CSMD1: variants seen among roughly 807,000 people sequenced by gnomAD.
CSMD1 encodes the protein CUB and sushi domain-containing protein 1.
A neutral mutation model predicts 417.5 loss-of-function variants in CSMD1; 213 were observed. The observed-to-expected ratio is 0.51, with a 90% CI of 0.46 to 0.57. The LOEUF is 0.57. CSMD1 is among the 20% of genes least tolerant of loss of function. CSMD1 has a pLI of 0.00. For synonymous variants in CSMD1, 2,862 were observed against 1,736.8 expected (o/e 1.65, Z -16.11); for missense variants, 6,923 against 4,529.7 (o/e 1.53, Z -15.17).
chr8:3,365,100 A>G (rs1809466684), intron 20 of CSMD1, among the ~76,000 whole-genome samples: 1 of 152,186 alleles, frequency 6.6e-6, no homozygotes, highest in Non-Finnish European at 1.5e-5. Context: ...TCTCATAGCA[A>G]TACTAATTGA....
intron 49 of CSMD1, among the ~76,000 whole-genome samples, chr8:3,083,658 T>A (rs1164454944): frequency 2.8e-3 from 179 of 63,592 alleles, no homozygotes; most frequent in South Asian, 5.4e-3. Flanking sequence ...ATTTTTTTTT[T>A]TTTTTTTTTT....
chr8:4,253,185 C>A (rs570783078), intron 3 of CSMD1, among the ~76,000 whole-genome samples: 1 of 152,150 alleles, frequency 6.6e-6, no homozygotes, highest in Non-Finnish European at 1.5e-5. Context: ...CTGGTCTATT[C>A]TCCTCTTCTA....
At chr8:4,290,472 G>T (rs73660733) in intron 3 of CSMD1, among the ~76,000 whole-genome samples, 1 of 151,932 alleles carries the variant, frequency 6.6e-6, no homozygotes, top group Non-Finnish European at 1.5e-5. Context: ...ACAAGGGTCA[G>T]GGACACTGCA....
chr8:4,778,996 A>G (rs1797014358), intron 1 of CSMD1, among the ~76,000 whole-genome samples: 1 of 152,222 alleles, frequency 6.6e-6, no homozygotes, highest in African/African-American at 2.4e-5. Flanking sequence ...GTGGGTGTTT[A>G]ACAGTATAGG....
At chr8:4,517,705 T>C (rs996315799) in intron 2 of CSMD1, among the ~76,000 whole-genome samples, 2 of 152,242 alleles carry the variant, frequency 1.3e-5, no homozygotes, top group African/African-American at 2.4e-5. Flanking sequence ...AAAATACTAA[T>C]ACTTAGTTTT....
At chr8:4,932,422 G>A (rs563814905) in intron 1 of CSMD1, among the ~76,000 whole-genome samples, 6 of 151,888 alleles carry the variant, frequency 4.0e-5, no homozygotes, top group South Asian at 2.1e-4. Context: ...GTGAAGACAC[G>A]AAGACTTCCA....
At chr8:3,824,941 G>C (rs1365363954) in intron 5 of CSMD1, among the ~76,000 whole-genome samples, 1 of 151,378 alleles carries the variant, frequency 6.6e-6, no homozygotes. Flanking sequence ...CCGCAACAAT[G>C]ATTAATCTGA....
intron 1 of CSMD1, among the ~76,000 whole-genome samples, chr8:4,671,751 G>C (rs545935085): frequency 6.6e-6 from 1 of 152,312 alleles, no homozygotes; most frequent in South Asian, 2.1e-4. Context: ...GCTTGTGTGT[G>C]TGTGCTTGCA....
chr8:4,435,868 G>T (rs554672831), intron 2 of CSMD1, among the ~76,000 whole-genome samples: 1 of 152,336 alleles, frequency 6.6e-6, no homozygotes, highest in Non-Finnish European at 1.5e-5. Context: ...TATTAGGACT[G>T]TGTGACCCTG....
At chr8:4,138,916 G>A (rs1206215457) in intron 3 of CSMD1, among the ~76,000 whole-genome samples, 2 of 152,108 alleles carry the variant, frequency 1.3e-5, no homozygotes, top group Non-Finnish European at 2.9e-5. Context: ...ATCCAGTCCT[G>A]CAAGCTTCTA....
intron 3 of CSMD1, among the ~76,000 whole-genome samples, chr8:4,045,798 T>C (rs1347592687): frequency 6.6e-6 from 1 of 152,174 alleles, no homozygotes; most frequent in African/African-American, 2.4e-5. Context: ...TTCCAGACAT[T>C]GTGAGACATG....
chr8:3,552,730 G>C (rs1188474034), intron 10 of CSMD1, among the ~76,000 whole-genome samples: 1 of 152,122 alleles, frequency 6.6e-6, no homozygotes, highest in South Asian at 2.1e-4. Context: ...TCTACGTAAA[G>C]TATGCTTTTA....
At chr8:4,519,060 A>C (rs1470782600) in intron 2 of CSMD1, among the ~76,000 whole-genome samples, 2 of 152,194 alleles carry the variant, frequency 1.3e-5, no homozygotes, top group Non-Finnish European at 2.9e-5. Context: ...CATCTTTTAG[A>C]ACAAGAGTCC....
At chr8:3,116,712 G>C (rs775905212) in intron 42 of CSMD1, among the ~76,000 whole-genome samples, 3 of 152,104 alleles carry the variant, frequency 2.0e-5, no homozygotes, top group Non-Finnish European at 2.9e-5. Context: ...GAAAAACAAA[G>C]CTTGAGAAAG....
intron 5 of CSMD1, among the ~76,000 whole-genome samples, chr8:3,893,914 G>C (rs1457308047): frequency 2.6e-5 from 4 of 152,030 alleles, no homozygotes; most frequent in Non-Finnish European, 5.9e-5. Context: ...CAATTCATGA[G>C]CAAGCATGTA....
chr8:3,247,245 C>A (rs73185559), intron 26 of CSMD1, among the ~76,000 whole-genome samples: 13,357 of 152,152 alleles, frequency 0.088, 788 homozygotes, highest in Non-Finnish European at 0.12. Context: ...ACATTCACAG[C>A]GATGTGGGTG....
chr8:3,134,885 G>C (rs1156369082), intron 41 of CSMD1, among the ~76,000 whole-genome samples: 1 of 152,218 alleles, frequency 6.6e-6, no homozygotes, highest in African/African-American at 2.4e-5. Context: ...GAAGCATAGA[G>C]TGTGGCGCAG....
intron 10 of CSMD1, among the ~76,000 whole-genome samples, chr8:3,544,112 G>A (rs568016057): frequency 1.3e-5 from 2 of 152,026 alleles, no homozygotes; most frequent in Non-Finnish European, 2.9e-5. Context: ...CTTGAGTGAG[G>A]GCTTGGTAAA....
At chr8:3,810,084 T>G (rs1800977500) in intron 5 of CSMD1, among the ~76,000 whole-genome samples, 1 of 152,188 alleles carries the variant, frequency 6.6e-6, no homozygotes, top group African/African-American at 2.4e-5. Flanking sequence ...CTTGTCACAT[T>G]TAAATGTTTA....
Sources: gnomAD v4.1 joint callset for allele counts (sites outside exome capture counted in the v4.1 genomes callset) on GRCh38, gnomAD v4.1.1 for gene constraint, MANE v1.5 for transcripts, NCBI Gene and HGNC (gene_info 2026-07-23, HGNC 2026-07-21) for gene names.